The following COL4A4 variants were observed in gnomAD, a reference collection of about 807,000 sequenced individuals.
COL4A4 encodes the protein collagen alpha-4(IV) chain.
A neutral mutation model predicts 192.9 loss-of-function variants in COL4A4; 105 were observed. That is an observed-to-expected ratio of 0.54 (90% CI 0.46 to 0.64). The LOEUF is 0.64. Ranked by LOEUF, COL4A4 falls within the 30% of genes least tolerant of loss-of-function variation. The probability of loss-of-function intolerance (pLI) is 0.00; values close to 1 mark genes in which losing one functional copy is unlikely to be tolerated. For synonymous variants in COL4A4, 762 were observed against 769.9 expected, an observed-to-expected ratio of 0.99 and a Z score of 0.17; for missense variants, 1,967 against 2,169.3, an observed-to-expected ratio of 0.91 and a Z score of 1.85.
In COL4A4 at chr2:227,012,247, G is replaced by A. The variant is rs1262718137; in HGVS notation, c.4267C>T (p.Pro1423Ser). ...CGTCCGGGAGGCCCAGGAGACCCAG[G>A]GACGCCATCCACACCCCTCCTGCCA... Reference protein sequence around the residue: ...LDGRRGVDGVPGSPGPPGRKG... With the variant: ...LDGRRGVDGVSGSPGPPGRKG... Residue 1423 changes from proline to serine, a missense_variant, in exon 45 of 48, where the codon CCT becomes TCT. By Grantham distance (74) the Pro-to-Ser change is moderately conservative. Transcript: ENST00000396625. 4 of 1,613,948 alleles carry A rather than the reference G, an allele frequency of 2.5e-6. No homozygotes were observed. Among genetic ancestry groups the A allele is most frequent in the African/African-American group, 1.3e-5 (1 of 74,888 alleles).
chr2:226,984,271 C>T, the COL4A4 span, among the ~76,000 whole-genome samples: 4 of 152,236 alleles, frequency 2.6e-5, no homozygotes, highest in Non-Finnish European at 4.4e-5. Context: ...GACCCGGTGG[C>T]TTAAACAACA....
chr2:227,142,070 A>G (rs1418057536), intron 3 of COL4A4, among the ~76,000 whole-genome samples: 2 of 114,354 alleles, frequency 1.7e-5, no homozygotes, highest in Non-Finnish European at 4.1e-5. Context: ...TTCAGGAAAG[A>G]ATCACTTTAA....
the COL4A4 span, among the ~76,000 whole-genome samples, chr2:226,985,554 C>T: frequency 3.3e-5 from 5 of 152,222 alleles, no homozygotes; most frequent in African/African-American, 9.6e-5. Flanking sequence ...GAATGAAACT[C>T]GGGTGGATAT....
chr2:227,054,944 C>T (rs1299203589), intron 30 of COL4A4, among the ~76,000 whole-genome samples: 2 of 152,004 alleles, frequency 1.3e-5, no homozygotes, highest in African/African-American at 4.8e-5. Flanking sequence ...CGGGAGCCAC[C>T]GCCCTTGGCT....
the COL4A4 span, among the ~76,000 whole-genome samples, chr2:226,978,539 A>G: frequency 6.6e-6 from 1 of 152,162 alleles, no homozygotes; most frequent in African/African-American, 2.4e-5. Context: ...TGTATAATGA[A>G]GGCAATATTT....
intron 44 of COL4A4, among the ~76,000 whole-genome samples, chr2:227,013,707 C>T (rs538395360): frequency 6.6e-6 from 1 of 152,276 alleles, no homozygotes; most frequent in Admixed American, 6.5e-5. Context: ...TTTGTTGTGG[C>T]GGCCCGAGCA....
At chr2:227,112,527 C>A (rs1416676550) in intron 8 of COL4A4, among the ~76,000 whole-genome samples, 1 of 152,196 alleles carries the variant, frequency 6.6e-6, no homozygotes, top group East Asian at 1.9e-4. Context: ...CCTTGGCCTT[C>A]CAAAGTGCTG....
intron 4 of COL4A4, among the ~76,000 whole-genome samples, chr2:227,122,142 C>T (rs1268683818): frequency 6.6e-6 from 1 of 152,192 alleles, no homozygotes; most frequent in Non-Finnish European, 1.5e-5. Flanking sequence ...TACCTCAGAA[C>T]CCATGTCTCA....
the COL4A4 span, among the ~76,000 whole-genome samples, chr2:226,977,065 C>G: frequency 6.6e-6 from 1 of 152,142 alleles, no homozygotes; most frequent in East Asian, 1.9e-4. Flanking sequence ...CAGAAACAAG[C>G]CACTGCTCTC....
intron 25 of COL4A4, among the ~76,000 whole-genome samples, chr2:227,066,373 A>G (rs1272795063): frequency 6.6e-6 from 1 of 151,802 alleles, no homozygotes; most frequent in Non-Finnish European, 1.5e-5. Context: ...GAACGCCACA[A>G]AGATACTCCT....
intron 12 of COL4A4, among the ~76,000 whole-genome samples, chr2:227,105,935 A>G (rs1576546919): frequency 6.6e-6 from 1 of 152,172 alleles, no homozygotes; most frequent in Non-Finnish European, 1.5e-5. Flanking sequence ...GATAATATAC[A>G]TAAAATGCTT....
At chr2:227,107,993 TG>T (rs1453890379) in intron 12 of COL4A4, among the ~76,000 whole-genome samples, 2 of 152,192 alleles carry the variant, frequency 1.3e-5, no homozygotes, top group East Asian at 3.9e-4. Context: ...CTTGACCTCA[TG>T]ATCCACCCGC....
At position 227,104,045 on chromosome 2, in the gene COL4A4, A is replaced by C; in HGVS notation, c.743T>G (p.Val248Gly). Residue 248 changes from valine to glycine, a missense_variant, in exon 13 of 48, where the codon GTT becomes GGT. Coordinates refer to ENST00000396625, the MANE Select transcript of COL4A4 (RefSeq NM_000092.5). ...GGGTCCAGGAGAACCTTGCTGACCAACCTCACCCTTAAAAAAAAAAGCAAG... is the reference window on the plus strand; with the variant it reads ...GGGTCCAGGAGAACCTTGCTGACCACCCTCACCCTTAAAAAAAAAAGCAAG... ...VKGQMGDPGE[V>G]GQQGSPGPTL... 1 of 1,612,754 alleles carries C rather than the reference A, an allele frequency of 6.2e-7. No individual in the cohort carries two copies. The highest frequency in any genetic ancestry group is 8.5e-7 in the Non-Finnish European group (1 of 1,179,584).
At position 227,059,469 on chromosome 2, in the gene COL4A4, C is replaced by T. The variant is rs200920187; in HGVS notation, c.2319G>A (p.Arg773=). 6.8e-5 allele frequency: 109 copies of T among 1,614,120 alleles called. No individual in the cohort carries two copies. In the South Asian group the frequency reaches 1.2e-3, roughly 17 times the overall value. Residue 773 remains arginine, a synonymous_variant, in exon 28 of 48, where the codon AGG becomes AGA. Transcript: ENST00000396625. The part of the protein sequence containing the change: ...AFGHLGPPGK[R]GLSGVPGIKG... ...TTATCCCTGGCACTCCTGAAAGACC[C>T]CTCTTTCCCGGGGGTCCCAGGTGAC...
chr2:227,082,273 C>T, intron 22 of COL4A4, 86 bp from the exon 23 acceptor site: 1 of 1,160,910 alleles, frequency 8.6e-7, no homozygotes, highest in Non-Finnish European at 1.3e-6. Flanking sequence ...TCTCTTCTTC[C>T]CTCCTAAATC....
At chr2:227,077,756 G>A (rs1049776178) in intron 25 of COL4A4, 138 bp downstream of exon 25, 15 of 746,158 alleles carry the variant, frequency 2.0e-5, no homozygotes, top group East Asian at 8.1e-5. Context: ...AAATCTACAC[G>A]TTAGGTAAAA....
chr2:227,101,752 G>T (rs939980432), intron 16 of COL4A4, 113 bp downstream of exon 16: 2 of 1,071,306 alleles, frequency 1.9e-6, no homozygotes, highest in African/African-American at 1.6e-5. Context: ...TAAAATGAAT[G>T]TGTCTGCCTT....
chr2:226,977,910 ATG>A, the COL4A4 span, among the ~76,000 whole-genome samples: 2 of 152,244 alleles, frequency 1.3e-5, no homozygotes. Context: ...AATTTGAACA[ATG>A]TGGTTTTAAA....
At chr2:226,967,555 T>C in the COL4A4 span, among the ~76,000 whole-genome samples, 12 of 125,544 alleles carry the variant, frequency 9.6e-5, no homozygotes, top group African/African-American at 3.3e-4. Flanking sequence ...CACCTCTAAC[T>C]TTCTGCATGT....
Sources: gnomAD v4.1 joint callset for allele counts (sites outside exome capture counted in the v4.1 genomes callset) on GRCh38, gnomAD v4.1.1 for gene constraint, MANE v1.5 for transcripts, NCBI Gene and HGNC (gene_info 2026-07-23, HGNC 2026-07-21) for gene names.